CDKN2C: variants seen among roughly 807,000 people sequenced by gnomAD.
The protein encoded by CDKN2C is cyclin-dependent kinase 4 inhibitor C.
A neutral mutation model predicts 11.0 loss-of-function variants in CDKN2C; 5 were observed. That is an observed-to-expected ratio of 0.45 (90% confidence interval 0.24 to 0.95). The LOEUF (loss-of-function observed/expected upper bound fraction) is 0.95, where lower values mean the gene tolerates loss of function less well. Among genes scored for constraint, CDKN2C ranks in the 40% least tolerant of loss-of-function variants. The pLI is 0.21. For missense variants in CDKN2C, 161 were observed against 211.9 expected (o/e 0.76, Z 1.49); for synonymous variants, 79 against 88.3 (o/e 0.89, Z 0.59).
chr1:50,972,124 C>T (rs1243443803), intron 1 of CDKN2C, among the ~76,000 whole-genome samples: 3 of 152,098 alleles, frequency 2.0e-5, no homozygotes, highest in Non-Finnish European at 4.4e-5. Flanking sequence ...ATTTTTCTAT[C>T]AGGTTAATAT....
rs2147956330 is a variant in CDKN2C, at chr1:50,970,292, G to A, written c.-77G>A. The A allele has an allele frequency of 6.3e-7, 1 of 1,576,528 alleles. No individual in the cohort carries two copies. The highest frequency in any genetic ancestry group is 8.7e-7 in the Non-Finnish European group (1 of 1,155,346). ...TGTCAGTCTCCGATGCCATCATGCA[G>A]CCTGGTTAGGAGCAAAGGAAAGGGG... is the stretch of plus-strand genomic sequence containing the variant. On this transcript the variant is annotated 5_prime_UTR_variant, in exon 1 of 2. Coordinates refer to ENST00000371761, the MANE Select transcript of CDKN2C (RefSeq NM_078626.3).
At chr1:50,965,908 G>A (rs1344628961), upstream of CDKN2C, among the ~76,000 whole-genome samples, 1 of 152,066 alleles carries the variant, frequency 6.6e-6, no homozygotes, top group Non-Finnish European at 1.5e-5. Flanking sequence ...TTTGAGACCA[G>A]TTAAATAAAT....
Position 50,974,361 on chromosome 1 carries a change from C to T in CDKN2C, c.*91C>T, listed in dbSNP as rs1645396867. Reference sequence around the variant, plus strand: ...TAATGTCATTTGTTAAAATACAGTTCTGTCATATGTTAAGCAGCTAAATTT... The same window carrying T: ...TAATGTCATTTGTTAAAATACAGTTTTGTCATATGTTAAGCAGCTAAATTT... On this transcript the variant is annotated 3_prime_UTR_variant, in exon 2 of 2. Coordinates refer to ENST00000371761, the MANE Select transcript of CDKN2C (RefSeq NM_078626.3). 1 of 1,333,286 alleles carries T rather than the reference C, an allele frequency of 7.5e-7. No individual in the cohort carries two copies. Among genetic ancestry groups the T allele is most frequent in the Non-Finnish European group, 1.0e-6 (1 of 988,856 alleles). 82.6% of individuals were successfully genotyped at this position (1,333,286 alleles called of 1,614,324 possible).
At chr1:50,969,079 C>G (rs1209434577), upstream of CDKN2C, 1 of 152,374 alleles carries the variant, frequency 6.6e-6, no homozygotes, top group African/African-American at 2.4e-5. The surrounding 1 kb of genome is among the most constrained non-coding windows in gnomAD (Gnocchi z 6.6). Context: ...AGCAAAGGGG[C>G]ACAGGCCGGG....
chr1:50,970,348 T>C lies in CDKN2C; in HGVS notation c.-21T>C, dbSNP rs774945900. ...GAAAAACGACTAATTCATCTTTTCC[T>C]GATCGTCAGGACCCTAAAGAATGGC... On this transcript the variant is annotated 5_prime_UTR_variant, in exon 1 of 2. Coordinates refer to ENST00000371761, the MANE Select transcript of CDKN2C (RefSeq NM_078626.3). 1 of 1,613,838 alleles carries C rather than the reference T, an allele frequency of 6.2e-7. No individual in the cohort carries two copies. The highest frequency in any genetic ancestry group is 2.2e-5 in the East Asian group (1 of 44,896).
At chr1:50,968,635 A>AGCAGGGC (rs1415998118), upstream of CDKN2C, 1 of 152,162 alleles carries the variant, frequency 6.6e-6, no homozygotes, top group Admixed American at 6.6e-5. Flanking sequence ...CGCGAGCGCC[A>AGCAGGGC]GCAGGGCGGA....
chr1:50,973,828 A>G (rs1321962526), intron 1 of CDKN2C, 65 bp from the exon 2 acceptor site: 5 of 1,562,500 alleles, frequency 3.2e-6, no homozygotes, highest in Non-Finnish European at 4.4e-6. Context: ...GGACAGGCAG[A>G]TATTTTAAAA....
At chr1:50,972,219 T>C (rs1286293638) in intron 1 of CDKN2C, among the ~76,000 whole-genome samples, 1 of 152,100 alleles carries the variant, frequency 6.6e-6, no homozygotes, top group East Asian at 1.9e-4. Context: ...TAAATATGAC[T>C]AAATCTTTAG....
chr1:50,961,475 G>A (rs1388347257), intron 1 of CDKN2C, among the ~76,000 whole-genome samples: 4 of 152,158 alleles, frequency 2.6e-5, no homozygotes, highest in African/African-American at 7.2e-5. Flanking sequence ...TGTAATTGTC[G>A]TCCAGGTTAG....
chr1:50,967,196 G>A (rs542211361), upstream of CDKN2C, among the ~76,000 whole-genome samples: 5 of 152,250 alleles, frequency 3.3e-5, no homozygotes, highest in South Asian at 1.0e-3. Flanking sequence ...CCCTCTGGCT[G>A]TATGAAAAGA....
intron 1 of CDKN2C, among the ~76,000 whole-genome samples, chr1:50,973,357 C>G (rs999465629): frequency 3.9e-5 from 6 of 152,158 alleles, no homozygotes; most frequent in Admixed American, 2.6e-4. Flanking sequence ...TTTAAAACAT[C>G]ATTTTTACAC....
At chr1:50,963,340 G>T (rs1186725394) in intron 1 of CDKN2C, among the ~76,000 whole-genome samples, 2 of 152,194 alleles carry the variant, frequency 1.3e-5, no homozygotes, top group Non-Finnish European at 2.9e-5. Context: ...GCAAAGTCTT[G>T]TGAACATAAC....
At chr1:50,965,008 G>A (rs527478808) in intron 1 of CDKN2C, among the ~76,000 whole-genome samples, 234 of 151,978 alleles carry the variant, frequency 1.5e-3, no homozygotes, top group African/African-American at 5.3e-3. Flanking sequence ...AGCTGAGATC[G>A]CGCCACTGCA....
intron 1 of CDKN2C, among the ~76,000 whole-genome samples, chr1:50,962,727 A>C (rs1645331819): frequency 6.6e-6 from 1 of 152,266 alleles, no homozygotes; most frequent in African/African-American, 2.4e-5. Flanking sequence ...CTAGACATTC[A>C]GGCATATATT....
At chr1:50,966,871 T>C (rs1327648021), upstream of CDKN2C, among the ~76,000 whole-genome samples, 1 of 152,224 alleles carries the variant, frequency 6.6e-6, no homozygotes, top group Non-Finnish European at 1.5e-5. Flanking sequence ...ATTTTTCTTT[T>C]TATTTCTATA....
intron 1 of CDKN2C, among the ~76,000 whole-genome samples, chr1:50,971,342 T>C (rs535013991): frequency 5.3e-5 from 8 of 152,362 alleles, no homozygotes; most frequent in South Asian, 2.1e-4. Flanking sequence ...GCTATTCTTA[T>C]TTGGAAATGC....
At chr1:50,972,097 C>A (rs1315571718) in intron 1 of CDKN2C, among the ~76,000 whole-genome samples, 1 of 152,150 alleles carries the variant, frequency 6.6e-6, no homozygotes, top group African/African-American at 2.4e-5. Context: ...AAAGCCTTTT[C>A]CACCTTCCTA....
At chr1:50,969,983 C>T, upstream of CDKN2C, 1 of 346,432 alleles carries the variant, frequency 2.9e-6, no homozygotes, top group East Asian at 4.7e-5. The surrounding 1 kb of genome is among the most constrained non-coding windows in gnomAD (Gnocchi z 6.6). Flanking sequence ...TGAGTCTCCA[C>T]ACACACTCCT....
At chr1:50,967,194 C>G (rs950436920), upstream of CDKN2C, among the ~76,000 whole-genome samples, 6 of 152,136 alleles carry the variant, frequency 3.9e-5, no homozygotes, top group Non-Finnish European at 8.8e-5. Context: ...CACCCTCTGG[C>G]TGTATGAAAA....
Sources: allele counts gnomAD v4.1 joint callset (sites outside exome capture counted in the v4.1 genomes callset), GRCh38; gene constraint gnomAD v4.1.1; non-coding constraint Gnocchi (gnomAD v3.1); transcripts MANE v1.5; gene names NCBI Gene and HGNC (gene_info 2026-07-23, HGNC 2026-07-21).